The following SLC30A10 variants were observed in gnomAD, a reference collection of about 807,000 sequenced individuals.
The protein encoded by SLC30A10 is calcium/manganese antiporter SLC30A10.
Under a neutral mutation model 21.7 loss-of-function variants are expected in SLC30A10, and 8 were observed. That is an observed-to-expected ratio of 0.37 (90% CI 0.22 to 0.67). The LOEUF is 0.67. SLC30A10 is among the 30% of genes least tolerant of loss of function. The probability of loss-of-function intolerance (pLI) is 0.58; values close to 1 mark genes in which losing one functional copy is unlikely to be tolerated. For synonymous variants in SLC30A10, 272 were observed against 279.4 expected (o/e 0.97, Z 0.26); for missense variants, 521 against 642.5 (o/e 0.81, Z 2.04).
chr1:219,921,935 G>C (rs539548724), intron 2 of SLC30A10, among the ~76,000 whole-genome samples: 25 of 149,548 alleles, frequency 1.7e-4, no homozygotes, highest in Admixed American at 1.5e-3. Flanking sequence ...GAGAGAGAGA[G>C]AGAGAGAGAC....
intron 1 of SLC30A10, among the ~76,000 whole-genome samples, chr1:219,955,782 G>A (rs1010926235): frequency 3.3e-5 from 5 of 152,278 alleles, no homozygotes; most frequent in Admixed American, 2.0e-4. Context: ...GAAGCCAGGC[G>A]GTACCAGGAG....
In SLC30A10 at chr1:219,927,995, C is replaced by G; in HGVS notation, c.446G>C (p.Ser149Thr). The G allele has an allele frequency of 6.4e-7, 1 of 1,555,974 alleles. No homozygotes were observed. The highest frequency in any genetic ancestry group is 8.7e-7 in the Non-Finnish European group (1 of 1,151,126). Reference sequence around the variant, plus strand: ...CTGCTGCCGCTGCTGCAGGCGGCGACTGCGTCCCCGGAGGCAGCACGCGAA... The same window carrying G: ...CTGCTGCCGCTGCTGCAGGCGGCGAGTGCGTCCCCGGAGGCAGCACGCGAA... ...AWFACCLRGR[S>T]RRLQQRQQLA... Residue 149 changes from serine (S) to threonine (T), a missense_variant, in exon 1 of 4, where the codon AGT becomes ACT. Transcript: ENST00000366926.
rs116239822 is a variant in SLC30A10 at position 219,940,540 on chromosome 1, C to G, written n.81-13435G>C. Among the ~76,000 whole-genome samples the G allele has an allele frequency of 7.6e-3, 1,153 of 152,234 alleles. 11 individuals carry two copies. The highest frequency in any genetic ancestry group is 0.027 in the African/African-American group (1,125 of 41,528). ...GTTATAGAGTAACTGGAAGGGAGAA[C>G]CACCATGTGAAAGATTGGGAAGCCG... On this transcript the variant is annotated intron_variant and non_coding_transcript_variant, in intron 1 of 8. Coordinates refer to the SLC30A10 transcript ENST00000484239.
At position 219,915,503 on chromosome 1, in the gene SLC30A10, T is replaced by G. The variant is rs771495659; in HGVS notation, c.1404A>C (p.Gln468His). ...GGTCCTCCTGAGTTTTGTTAAGACT[T>G]TGTCCGTGGTCACTCAGACAGCTAT... ...SLDSCLSDHG[Q>H]SLNKTQEDQC... Residue 468 changes from glutamine (Q) to histidine (H), a missense_variant, in exon 4 of 4, where the codon CAA (glutamine) becomes CAC (histidine). Physicochemically the swap from Gln to His is conservative, Grantham distance 24. Coordinates refer to ENST00000366926, the MANE Select transcript of SLC30A10 (RefSeq NM_018713.3). The G allele has an allele frequency of 3.7e-6, 6 of 1,614,260 alleles. No individual in the cohort carries two copies. Among genetic ancestry groups the G allele is most frequent in the Middle Eastern group, 1.6e-4 (1 of 6,062 alleles).
intron 3 of SLC30A10, among the ~76,000 whole-genome samples, chr1:219,917,854 G>A (rs1444765097): frequency 1.3e-5 from 2 of 151,784 alleles, no homozygotes; most frequent in African/African-American, 2.4e-5. Flanking sequence ...GGGATTACAG[G>A]CGCGTGCTAC....
chr1:219,918,752 T>A lies in SLC30A10; in HGVS notation c.719-258A>T. The A allele has an allele frequency of 2.6e-6, 1 of 377,960 alleles. No individual in the cohort carries two copies. The highest frequency in any genetic ancestry group is 4.7e-6 in the Non-Finnish European group (1 of 214,226). 23.4% of individuals were successfully genotyped at this position (377,960 alleles called of 1,614,324 possible). Reference sequence around the variant, plus strand: ...GATTCTGACCTGCAGGAAGAGCGACTGTGCCGTCTCACTGGGCCACATCGC... The same window carrying A: ...GATTCTGACCTGCAGGAAGAGCGACAGTGCCGTCTCACTGGGCCACATCGC... On this transcript the variant is annotated intron_variant, in intron 2 of 3. Transcript: ENST00000366926. This position sits in a 1 kb window ranked among gnomAD's most constrained non-coding sequence, Gnocchi z 4.4.
chr1:219,958,991 G>T (rs888537491), upstream of SLC30A10, among the ~76,000 whole-genome samples: 2 of 152,172 alleles, frequency 1.3e-5, no homozygotes, highest in South Asian at 4.1e-4. Context: ...AGGATTAAAC[G>T]GAAGCTTCTT....
intron 1 of SLC30A10, among the ~76,000 whole-genome samples, chr1:219,940,379 G>A (rs889563645): frequency 1.3e-5 from 2 of 152,154 alleles, no homozygotes; most frequent in Non-Finnish European, 2.9e-5. Context: ...TAGCCTTTGA[G>A]TCTTCCCAGC....
At chr1:219,932,353 G>A (rs1156672488), upstream of SLC30A10, among the ~76,000 whole-genome samples, 1 of 152,182 alleles carries the variant, frequency 6.6e-6, no homozygotes, top group African/African-American at 2.4e-5. Context: ...AACTTGATAT[G>A]CTACAATTCA....
At chr1:219,934,557 A>T (rs1028927902) in intron 1 of SLC30A10, among the ~76,000 whole-genome samples, 1 of 152,212 alleles carries the variant, frequency 6.6e-6, no homozygotes, top group South Asian at 2.1e-4. Context: ...GATCGCATGG[A>T]TGTAAAAAGA....
chr1:219,934,887 C>T (rs561080832), intron 1 of SLC30A10, among the ~76,000 whole-genome samples: 14 of 152,240 alleles, frequency 9.2e-5, no homozygotes, highest in South Asian at 2.1e-4. Flanking sequence ...ACCCCAGAGA[C>T]GCACTCATAG....
intron 1 of SLC30A10, among the ~76,000 whole-genome samples, chr1:219,957,117 A>G (rs545878443): frequency 2.0e-5 from 3 of 152,332 alleles, no homozygotes; most frequent in East Asian, 3.9e-4. Context: ...TGATTGGTGT[A>G]GCCATAGCAT....
In SLC30A10 at chr1:219,911,423, A is replaced by G. The variant is rs1659413299; in HGVS notation, c.*4026T>C. 1.3e-5 allele frequency among the ~76,000 whole-genome samples: 2 copies of G among 152,034 alleles called. No homozygotes were observed. Among genetic ancestry groups the G allele is most frequent in the Non-Finnish European group, 2.9e-5 (2 of 67,992 alleles). ...CATTTTAAATATGAAGGAGATTTAA[A>G]CATCTCAACCCCATGAATCAATTGT... On this transcript the variant is annotated 3_prime_UTR_variant, in exon 4 of 4. Transcript: ENST00000366926.
intron 1 of SLC30A10, among the ~76,000 whole-genome samples, chr1:219,953,608 A>C (rs1660303146): frequency 6.6e-6 from 1 of 151,984 alleles, no homozygotes; most frequent in Non-Finnish European, 1.5e-5. Flanking sequence ...GTCTCAAAAA[A>C]AAAAGAAAAA....
At chr1:219,922,183 T>TGG (rs1659708070) in intron 2 of SLC30A10, among the ~76,000 whole-genome samples, 1 of 12,558 alleles carries the variant, frequency 8.0e-5, no homozygotes, top group African/African-American at 3.9e-4. Context: ...TGTGTTTTTT[T>TGG]TTTTTTTTTT....
intron 1 of SLC30A10, among the ~76,000 whole-genome samples, chr1:219,953,998 G>T (rs574084779): frequency 1.3e-5 from 2 of 151,974 alleles, no homozygotes; most frequent in East Asian, 1.9e-4. Flanking sequence ...GAGCCACCGC[G>T]CCCGGCCTCA....
intron 2 of SLC30A10, among the ~76,000 whole-genome samples, chr1:219,922,576 C>G (rs1398933714): frequency 6.6e-6 from 1 of 152,008 alleles, no homozygotes; most frequent in African/African-American, 2.4e-5. Flanking sequence ...ACTCACAGAC[C>G]CTGACGCTGT....
At chr1:219,932,063 C>CT (rs1271562244), upstream of SLC30A10, among the ~76,000 whole-genome samples, 672 of 138,634 alleles carry the variant, frequency 4.8e-3, 2 homozygotes, top group African/African-American at 8.8e-3. Context: ...ACTCAATCAT[C>CT]TTTTTTTTTT....
At chr1:219,946,042 A>C (rs11118465) in intron 1 of SLC30A10, among the ~76,000 whole-genome samples, 58,452 of 152,020 alleles carry the variant, frequency 0.38, 11,294 homozygotes, top group Non-Finnish European at 0.41. Context: ...AGATTAATAA[A>C]CAGTGGTTTT....
Sources: allele counts gnomAD v4.1 joint callset (sites outside exome capture counted in the v4.1 genomes callset), GRCh38; gene constraint gnomAD v4.1.1; non-coding constraint Gnocchi (gnomAD v3.1); transcripts MANE v1.5; gene names NCBI Gene and HGNC (gene_info 2026-07-23, HGNC 2026-07-21).